CPNE4: variants seen among roughly 807,000 people sequenced by gnomAD.
The protein encoded by CPNE4 is copine-4.
CPNE4 carries 25 observed loss-of-function variants against 67.9 expected under a neutral mutation model. That is an observed-to-expected ratio of 0.37 (90% CI 0.27 to 0.51). CPNE4 has a LOEUF of 0.51. CPNE4 is among the 20% of genes least tolerant of loss of function. The pLI, the probability that CPNE4 is intolerant of heterozygous loss-of-function variation, is 0.93. For synonymous variants in CPNE4, 242 were observed against 244.9 expected (o/e 0.99, Z 0.11); for missense variants, 464 against 690.8 (o/e 0.67, Z 3.68).
intron 7 of CPNE4, among the ~76,000 whole-genome samples, chr3:131,657,910 A>T (rs1395053761): frequency 1.3e-5 from 2 of 152,084 alleles, no homozygotes; most frequent in Non-Finnish European, 2.9e-5. Context: ...ACTTAATCAG[A>T]TGTTCCAGAC....
chr3:131,620,294 G>T (rs1175692130), intron 7 of CPNE4, among the ~76,000 whole-genome samples: 2 of 152,312 alleles, frequency 1.3e-5, no homozygotes, highest in East Asian at 3.9e-4. Context: ...ATGATGTATT[G>T]CAAGAAAATG....
chr3:131,887,395 G>A (rs962737307), intron 2 of CPNE4, among the ~76,000 whole-genome samples: 3 of 152,132 alleles, frequency 2.0e-5, no homozygotes, highest in Admixed American at 6.6e-5. Flanking sequence ...TCTCAGGTAT[G>A]TCTTTATCAG....
chr3:131,850,358 G>A (rs1355006436), intron 2 of CPNE4, among the ~76,000 whole-genome samples: 2 of 152,056 alleles, frequency 1.3e-5, no homozygotes, highest in Non-Finnish European at 2.9e-5. Flanking sequence ...TAAGAAAGCA[G>A]ACAACACTGA....
chr3:131,801,624 G>A lies in CPNE4; in HGVS notation c.181-77999C>T, dbSNP rs187764836. On this transcript the variant is annotated intron_variant, in intron 2 of 15. Transcript: ENST00000429747. Reference sequence around the variant, plus strand: ...TATGTCAGTCAATAAAAGAGAAATCGGGCAGGTTGGAGAGGTATGGGTCGT... The same window carrying A: ...TATGTCAGTCAATAAAAGAGAAATCAGGCAGGTTGGAGAGGTATGGGTCGT... 9.8e-4 allele frequency among the ~76,000 whole-genome samples: 147 copies of A among 149,842 alleles called. 2 individuals are homozygous for A. Among genetic ancestry groups the A allele is most frequent in the East Asian group, 9.4e-3 (48 of 5,112 alleles).
intron 2 of CPNE4, among the ~76,000 whole-genome samples, chr3:131,843,703 G>A (rs1027981306): frequency 6.6e-6 from 1 of 152,154 alleles, no homozygotes; most frequent in Admixed American, 6.5e-5. Context: ...TGCTAAGTGG[G>A]AACAAGGAGA....
intron 7 of CPNE4, among the ~76,000 whole-genome samples, chr3:131,591,771 C>T (rs1938545069): frequency 1.3e-5 from 2 of 152,206 alleles, no homozygotes; most frequent in African/African-American, 4.8e-5. Flanking sequence ...GTCTTTCCTT[C>T]TCTCCCTGGC....
rs566214248 is a variant in CPNE4, at chr3:131,741,823, T to C, written c.181-18198A>G. Among the ~76,000 whole-genome samples, 3 of 152,298 alleles carry C rather than the reference T, an allele frequency of 2.0e-5. No individual in the cohort carries two copies. The South Asian group carries it at 6.2e-4, about 32-fold the overall frequency. ...AGATGCTCACTATCTTGGCCTCCCCTGTAGCCACAGCCTGCTCATGTAACC... is the reference window on the plus strand; with the variant it reads ...AGATGCTCACTATCTTGGCCTCCCCCGTAGCCACAGCCTGCTCATGTAACC... On this transcript the variant is annotated intron_variant, in intron 2 of 15. Coordinates refer to ENST00000429747, the MANE Select transcript of CPNE4 (RefSeq NM_130808.3).
At chr3:131,606,799 G>A (rs993946591) in intron 7 of CPNE4, among the ~76,000 whole-genome samples, 2 of 151,774 alleles carry the variant, frequency 1.3e-5, no homozygotes, top group African/African-American at 4.9e-5. Flanking sequence ...CCCTCTAAAT[G>A]TCTGGAAACC....
chr3:131,744,741 A>C (rs1359968412), intron 2 of CPNE4, among the ~76,000 whole-genome samples: 4 of 152,228 alleles, frequency 2.6e-5, no homozygotes, highest in Non-Finnish European at 5.9e-5. Context: ...CTGAAGATTC[A>C]TCCAGGTTGT....
Position 131,969,362 on chromosome 3 carries a change from T to C in CPNE4, c.-1-63918A>G, listed in dbSNP as rs544297736. Among the ~76,000 whole-genome samples the C allele has an allele frequency of 6.7e-5, 10 of 150,364 alleles. No homozygotes were observed. In the South Asian group the frequency reaches 1.5e-3, roughly 23 times the overall value. On this transcript the variant is annotated intron_variant, in intron 1 of 15. Coordinates refer to ENST00000429747, the MANE Select transcript of CPNE4 (RefSeq NM_130808.3). ...ATGTTCTGCACATGTATCCCAGAAC[T>C]TAAAATATTAAAAAAAAAAGTAATG...
intron 2 of CPNE4, among the ~76,000 whole-genome samples, chr3:131,825,493 CAAA>C (rs371197777): frequency 2.6e-5 from 3 of 114,366 alleles, no homozygotes; most frequent in Admixed American, 8.5e-5. Flanking sequence ...GAGACTCCGT[CAAA>C]AAAAAAAAAA....
At chr3:131,977,198 C>A (rs2072683676) in intron 1 of CPNE4, among the ~76,000 whole-genome samples, 1 of 152,136 alleles carries the variant, frequency 6.6e-6, no homozygotes, top group African/African-American at 2.4e-5. Context: ...ACTAATTCTT[C>A]TGAGCAACAA....
intron 2 of CPNE4, among the ~76,000 whole-genome samples, chr3:131,764,794 C>A (rs2082969151): frequency 6.6e-6 from 1 of 152,060 alleles, no homozygotes; most frequent in African/African-American, 2.4e-5. Context: ...CCCTAAGAGT[C>A]TGGACAGGCT....
intron 2 of CPNE4, among the ~76,000 whole-genome samples, chr3:131,892,196 G>T (rs140480063): frequency 0.029 from 4,388 of 152,192 alleles, 209 homozygotes; most frequent in African/African-American, 0.099. Context: ...AATCCTCACA[G>T]TTCCCAAATT....
At chr3:131,639,831 C>T (rs1461902046) in intron 7 of CPNE4, among the ~76,000 whole-genome samples, 1 of 152,004 alleles carries the variant, frequency 6.6e-6, no homozygotes, top group African/African-American at 2.4e-5. Context: ...GGGTTTCATA[C>T]CAGGGATATG....
intron 2 of CPNE4, among the ~76,000 whole-genome samples, chr3:131,797,366 G>A (rs1475527119): frequency 6.6e-6 from 1 of 152,110 alleles, no homozygotes; most frequent in African/African-American, 2.4e-5. Context: ...AGCATGAAGG[G>A]ACCATCATGG....
At chr3:131,608,975 T>A (rs577325256) in intron 7 of CPNE4, among the ~76,000 whole-genome samples, 1 of 152,218 alleles carries the variant, frequency 6.6e-6, no homozygotes, top group East Asian at 1.9e-4. Context: ...CCTGGAATGC[T>A]TTTCTCTCCA....
At chr3:131,801,478 A>ATATATATATATATAT (rs375249673) in intron 2 of CPNE4, among the ~76,000 whole-genome samples, 1 of 128,128 alleles carries the variant, frequency 7.8e-6, no homozygotes, top group Non-Finnish European at 1.6e-5. Context: ...ATATATATAT[A>ATATATATATATATAT]ATATCACTGC....
intron 7 of CPNE4, among the ~76,000 whole-genome samples, chr3:131,663,481 C>T (rs1481282843): frequency 2.0e-5 from 3 of 149,534 alleles, no homozygotes; most frequent in Admixed American, 6.7e-5. Flanking sequence ...AGTAAAAAAA[C>T]GTAAATTAAA....
Sources: gnomAD v4.1 joint callset for allele counts (sites outside exome capture counted in the v4.1 genomes callset) on GRCh38, gnomAD v4.1.1 for gene constraint, MANE v1.5 for transcripts, NCBI Gene and HGNC (gene_info 2026-07-23, HGNC 2026-07-21) for gene names.